Variants in KIF25 observed in about 807,000 individuals in gnomAD.
KIF25 encodes kinesin-like protein KIF25.
KIF25 carries 19 observed loss-of-function variants against 32.9 expected under a neutral mutation model. That is an observed-to-expected ratio of 0.58 (90% CI 0.40 to 0.85). KIF25 has a LOEUF of 0.85. Ranked by LOEUF, KIF25 falls within the 40% of genes least tolerant of loss-of-function variation. KIF25 has a pLI of 0.00. For missense variants in KIF25, 485 were observed against 507.0 expected, an observed-to-expected ratio of 0.96 and a Z score of 0.42; for synonymous variants, 225 against 213.7, an observed-to-expected ratio of 1.05 and a Z score of -0.46.
chr6:168,044,410 C>T (rs111805450), intron 12 of KIF25, among the ~76,000 whole-genome samples: 1 of 69,810 alleles, frequency 1.4e-5, no homozygotes, highest in African/African-American at 5.2e-5. Context: ...CTGACCCTCC[C>T]GGACCCGGGT....
chr6:168,005,802 C>T (rs540052501), intron 4 of KIF25, among the ~76,000 whole-genome samples: 1 of 152,296 alleles, frequency 6.6e-6, no homozygotes, highest in African/African-American at 2.4e-5. Flanking sequence ...CGGTGCCCAC[C>T]CAGATTAAGG....
chr6:168,040,050 T>C lies in KIF25; in HGVS notation c.495-15T>C, dbSNP rs1050507929. The C allele has an allele frequency of 1.2e-6, 2 of 1,606,096 alleles. No individual in the cohort carries two copies. The highest frequency in any genetic ancestry group is 3.3e-5 in the Admixed American group (2 of 59,780). ...CCGCCCTCACTGTGTTCCCCACTGCTTGCCTTGTCTGTAGGGCTGTCGGCA... is the reference window on the plus strand; with the variant it reads ...CCGCCCTCACTGTGTTCCCCACTGCCTGCCTTGTCTGTAGGGCTGTCGGCA... On this transcript the variant is annotated splice_polypyrimidine_tract_variant and intron_variant, in intron 9 of 12. Coordinates refer to ENST00000643607, the MANE Select transcript of KIF25 (RefSeq NM_030615.4).
At chr6:168,037,582 G>C (rs1344055208) in intron 8 of KIF25, among the ~76,000 whole-genome samples, 1 of 152,208 alleles carries the variant, frequency 6.6e-6, no homozygotes, top group Non-Finnish European at 1.5e-5. Context: ...AGGGAGGAGA[G>C]AGAAAGGGAG....
chr6:168,002,121 G>A (rs764994800), intron 2 of KIF25, among the ~76,000 whole-genome samples: 5 of 31,382 alleles, frequency 1.6e-4, no homozygotes, highest in Non-Finnish European at 3.2e-4. Flanking sequence ...CCTGAGGCGT[G>A]GCCTCGGGCA....
intron 6 of KIF25, among the ~76,000 whole-genome samples, chr6:168,029,889 C>G (rs568496574): frequency 3.9e-5 from 6 of 152,234 alleles, no homozygotes; most frequent in Non-Finnish European, 8.8e-5. Flanking sequence ...GGTCCCCTCC[C>G]CCATGTCAAA....
At chr6:168,039,508 G>A (rs73788696) in intron 9 of KIF25, among the ~76,000 whole-genome samples, 3,643 of 152,312 alleles carry the variant, frequency 0.024, 164 homozygotes, top group African/African-American at 0.082. Flanking sequence ...CCTGGGCCCC[G>A]GAGGCAGCAA....
intron 2 of KIF25, among the ~76,000 whole-genome samples, chr6:168,001,026 G>C (rs1414429561): frequency 6.6e-6 from 1 of 152,224 alleles, no homozygotes; most frequent in East Asian, 1.9e-4. Flanking sequence ...TCTTTTCAAA[G>C]TGTTTAGACA....
At chr6:168,004,375 T>C (rs986121301) in intron 4 of KIF25, among the ~76,000 whole-genome samples, 5 of 152,202 alleles carry the variant, frequency 3.3e-5, no homozygotes, top group African/African-American at 1.2e-4. Flanking sequence ...TTGAAATATA[T>C]AATTATATGT....
chr6:168,029,413 T>A, intron 5 of KIF25, 79 bp from the exon 6 acceptor site: 1 of 983,160 alleles, frequency 1.0e-6, no homozygotes, highest in Non-Finnish European at 1.5e-6. Context: ...TTTTGGATGG[T>A]GTTAAAGAAT....
At chr6:168,025,898 G>A (rs1397816147) in intron 5 of KIF25, among the ~76,000 whole-genome samples, 1 of 152,234 alleles carries the variant, frequency 6.6e-6, no homozygotes, top group African/African-American at 2.4e-5. Context: ...CGAGTACTGA[G>A]TGACAGAGAA....
At chr6:168,018,900 G>T (rs1798751543) in intron 5 of KIF25, among the ~76,000 whole-genome samples, 1 of 152,242 alleles carries the variant, frequency 6.6e-6, no homozygotes, top group Non-Finnish European at 1.5e-5. Flanking sequence ...GCTGAGCACT[G>T]ACCAGCACAG....
Position 167,998,560 on chromosome 6 carries a change from A to G in KIF25, c.-909A>G, listed in dbSNP as rs1252763071. ...ACTGGAAACCAGTGGAGTTTATGAG[A>G]ATAAAAAGCTTCTAATTTCCTTCCA... On this transcript the variant is annotated 5_prime_UTR_variant, in exon 1 of 13. Transcript: ENST00000643607. The G allele has an allele frequency of 2.0e-5, 3 of 152,206 alleles. No homozygotes were observed. Among genetic ancestry groups the G allele is most frequent in the Non-Finnish European group, 4.4e-5 (3 of 68,040 alleles). 9.4% of individuals were successfully genotyped at this position (152,206 alleles called of 1,614,324 possible). A position where few individuals can be genotyped will look rare whatever the true frequency, so the allele number is the denominator to read the frequency against.
At chr6:168,006,722 G>C (rs1254865774) in intron 4 of KIF25, among the ~76,000 whole-genome samples, 1 of 152,084 alleles carries the variant, frequency 6.6e-6, no homozygotes, top group Non-Finnish European at 1.5e-5. Flanking sequence ...GGTCATGTAG[G>C]ACACAATGGC....
chr6:168,001,301 C>T (rs1455105172), intron 2 of KIF25, among the ~76,000 whole-genome samples: 3 of 152,220 alleles, frequency 2.0e-5, no homozygotes, highest in Non-Finnish European at 2.9e-5. Context: ...GTGCTCAAAA[C>T]GTTTTGGATT....
intron 4 of KIF25, among the ~76,000 whole-genome samples, chr6:168,014,636 T>C (rs781393071): frequency 5.9e-5 from 9 of 152,236 alleles, no homozygotes; most frequent in South Asian, 2.1e-4. Context: ...TGAGTTTGTA[T>C]TGGACGTGTA....
At chr6:168,044,238 C>A (rs1213255440) in intron 12 of KIF25, among the ~76,000 whole-genome samples, 1 of 143,036 alleles carries the variant, frequency 7.0e-6, no homozygotes, top group Non-Finnish European at 1.5e-5. Context: ...CGGCTGCTGA[C>A]CCTCCCGGAG....
At chr6:168,006,847 A>G (rs1239558170) in intron 4 of KIF25, among the ~76,000 whole-genome samples, 2 of 152,206 alleles carry the variant, frequency 1.3e-5, no homozygotes, top group African/African-American at 4.8e-5. Flanking sequence ...CTCTTTTTCA[A>G]AAGGTAGTTT....
At chr6:168,036,434 G>T (rs768466054) in intron 8 of KIF25, among the ~76,000 whole-genome samples, 1 of 152,246 alleles carries the variant, frequency 6.6e-6, no homozygotes, top group South Asian at 2.1e-4. Flanking sequence ...AGAGTCAGGG[G>T]AGCTGCGTGC....
chr6:168,021,550 T>C (rs1192251647), intron 5 of KIF25, among the ~76,000 whole-genome samples: 1 of 152,240 alleles, frequency 6.6e-6, no homozygotes, highest in Non-Finnish European at 1.5e-5. Flanking sequence ...CATAAAAGTT[T>C]ACCATTTTAG....
Sources: allele counts gnomAD v4.1 joint callset (sites outside exome capture counted in the v4.1 genomes callset), GRCh38; gene constraint gnomAD v4.1.1; transcripts MANE v1.5; gene names NCBI Gene and HGNC (gene_info 2026-07-23, HGNC 2026-07-21).